Variants in CEP83 observed in about 807,000 individuals in gnomAD.
CEP83 encodes centrosomal protein of 83 kDa.
Under a neutral mutation model 101.9 loss-of-function variants are expected in CEP83, and 70 were observed. The observed-to-expected ratio is 0.69, with a 90% CI of 0.57 to 0.84. The LOEUF is 0.84. CEP83 is among the 40% of genes least tolerant of loss of function. CEP83 has a pLI of 0.00. For missense variants in CEP83, 715 were observed against 787.2 expected, an observed-to-expected ratio of 0.91 and a Z score of 1.10; for synonymous variants, 264 against 267.9, an observed-to-expected ratio of 0.99 and a Z score of 0.14.
At chr12:94,268,160 A>C in the CEP83 span, among the ~76,000 whole-genome samples, 1 of 152,216 alleles carries the variant, frequency 6.6e-6, no homozygotes, top group Non-Finnish European at 1.5e-5. Flanking sequence ...GAAGCACAGC[A>C]CCTCATATAG....
At chr12:94,444,080 A>G (rs1422071049) in intron 1 of CEP83, among the ~76,000 whole-genome samples, 2 of 151,126 alleles carry the variant, frequency 1.3e-5, no homozygotes, top group African/African-American at 4.9e-5. Flanking sequence ...CCAATTATGC[A>G]TGCGTTATAG....
intron 5 of CEP83, 106 bp downstream of exon 5, chr12:94,403,064 T>C (rs1314938904): frequency 8.1e-6 from 5 of 617,184 alleles, no homozygotes; most frequent in African/African-American, 1.9e-5. Context: ...AATGACTGAG[T>C]AAAAGGGGGA....
chr12:94,386,237 T>C (rs2062139031), intron 6 of CEP83, among the ~76,000 whole-genome samples: 1 of 152,208 alleles, frequency 6.6e-6, no homozygotes, highest in Non-Finnish European at 1.5e-5. Flanking sequence ...AAAATCCTTC[T>C]GAGATTTCTA....
chr12:94,276,221 G>A, the CEP83 span, among the ~76,000 whole-genome samples: 1 of 152,096 alleles, frequency 6.6e-6, no homozygotes, highest in Non-Finnish European at 1.5e-5. Context: ...CGATTAAAAG[G>A]TGCCTCCCAT....
At chr12:94,277,884 T>G in the CEP83 span, 1 of 454,946 alleles carries the variant, frequency 2.2e-6, no homozygotes, top group Non-Finnish European at 4.4e-6. Flanking sequence ...GGTACTGTTA[T>G]TACACCCATT....
chr12:94,445,038 T>C (rs2066696653), intron 1 of CEP83, among the ~76,000 whole-genome samples: 1 of 151,942 alleles, frequency 6.6e-6, no homozygotes, highest in Non-Finnish European at 1.5e-5. Flanking sequence ...AAAAAAAACT[T>C]TGAAAAAGAA....
At chr12:94,406,355 C>A (rs1049636545) in intron 4 of CEP83, among the ~76,000 whole-genome samples, 4 of 151,144 alleles carry the variant, frequency 2.6e-5, no homozygotes, top group South Asian at 4.2e-4. Flanking sequence ...ACAAAAACAA[C>A]AACAACAACA....
At chr12:94,328,347 A>C (rs2059061396) in intron 14 of CEP83, 1 of 266,288 alleles carries the variant, frequency 3.8e-6, no homozygotes, top group African/African-American at 2.3e-5. Flanking sequence ...CATCATTTAC[A>C]CCAAAGACTA....
intron 14 of CEP83, among the ~76,000 whole-genome samples, chr12:94,327,759 C>T (rs2059032246): frequency 6.6e-6 from 1 of 152,110 alleles, no homozygotes; most frequent in Non-Finnish European, 1.5e-5. Context: ...ACCTTCATTC[C>T]TATATTCCAA....
intron 12 of CEP83, among the ~76,000 whole-genome samples, chr12:94,334,421 CTTTA>C (rs1391740426): frequency 3.9e-5 from 6 of 152,076 alleles, no homozygotes; most frequent in Admixed American, 3.9e-4. Context: ...ATCCAAATCT[CTTTA>C]TTTGGGACAG....
At chr12:94,414,029 A>C (rs1235121087) in intron 2 of CEP83, among the ~76,000 whole-genome samples, 1 of 152,162 alleles carries the variant, frequency 6.6e-6, no homozygotes, top group East Asian at 1.9e-4. Context: ...ATATCTACGT[A>C]TTACTTAAGA....
chr12:94,431,327 G>C (rs546325916), intron 2 of CEP83, among the ~76,000 whole-genome samples: 1 of 152,146 alleles, frequency 6.6e-6, no homozygotes, highest in Admixed American at 6.5e-5. Context: ...TAAGACCCAA[G>C]ACTATAAAAT....
chr12:94,406,650 G>C (rs1295193811), intron 4 of CEP83, among the ~76,000 whole-genome samples: 1 of 152,188 alleles, frequency 6.6e-6, no homozygotes, highest in Non-Finnish European at 1.5e-5. Flanking sequence ...GGCCGGGCAA[G>C]GTGGCTCACG....
chr12:94,394,685 C>T (rs1315414437), intron 6 of CEP83, among the ~76,000 whole-genome samples: 1 of 152,060 alleles, frequency 6.6e-6, no homozygotes, highest in South Asian at 2.1e-4. Context: ...AGAGTGAACA[C>T]GCAACCTACA....
intron 9 of CEP83, chr12:94,369,154 G>A (rs2061167462): frequency 6.6e-6 from 1 of 152,112 alleles, no homozygotes; most frequent in African/African-American, 2.4e-5. Context: ...GATTAAACTG[G>A]AACTTAAAAA....
At position 94,313,078 on chromosome 12, in the gene CEP83, A is replaced by G. The variant is rs77579376; in HGVS notation, c.1708-61T>C. 2.4e-3 allele frequency: 1,763 copies of G among 724,466 alleles called. 23 individuals are homozygous for G. The African/African-American group carries it at 0.027, about 11-fold the overall frequency. 44.9% of individuals were successfully genotyped at this position (724,466 alleles called of 1,614,324 possible). A position where few individuals can be genotyped will look rare whatever the true frequency, so the allele number is the denominator to read the frequency against. On this transcript the variant is annotated intron_variant, in intron 14 of 16. Transcript: ENST00000397809. ...TAATCTCTTATTTGAACAAAACTAT[A>G]TAGAAAATATTTTACTCACCAAAAA...
intron 1 of CEP83, among the ~76,000 whole-genome samples, chr12:94,458,735 CATAA>C (rs1001742482): frequency 2.6e-5 from 4 of 152,238 alleles, no homozygotes; most frequent in East Asian, 3.9e-4. Flanking sequence ...GAGACTCAGT[CATAA>C]ATAAATAAAT....
intron 15 of CEP83, 144 bp downstream of exon 15, chr12:94,312,770 G>A (rs921075892): frequency 1.1e-5 from 14 of 1,257,730 alleles, no homozygotes; most frequent in Non-Finnish European, 1.3e-5. Context: ...GTAAAAAAAG[G>A]ATAGTACATT....
At chr12:94,302,830 A>G (rs1968600613), downstream of CEP83, among the ~76,000 whole-genome samples, 1 of 152,204 alleles carries the variant, frequency 6.6e-6, no homozygotes, top group African/African-American at 2.4e-5. Flanking sequence ...TCTCAAGGGC[A>G]GCCACTAGTC....
Sources: gnomAD v4.1 joint callset for allele counts (sites outside exome capture counted in the v4.1 genomes callset) on GRCh38, gnomAD v4.1.1 for gene constraint, MANE v1.5 for transcripts, NCBI Gene and HGNC (gene_info 2026-07-23, HGNC 2026-07-21) for gene names.